Variants in PEX5L observed in about 807,000 individuals in gnomAD.
The protein encoded by PEX5L is PEX5-related protein.
In PEX5L, 30 loss-of-function variants were observed where a neutral mutation model predicts 84.0. That is an observed-to-expected ratio of 0.36 (90% CI 0.27 to 0.48). The LOEUF is 0.48. Ranked by LOEUF, PEX5L falls within the 20% of genes least tolerant of loss-of-function variation. The probability of loss-of-function intolerance (pLI) is 0.99; values close to 1 mark genes in which losing one functional copy is unlikely to be tolerated. For missense variants in PEX5L, 533 were observed against 754.6 expected, an observed-to-expected ratio of 0.71 and a Z score of 3.44; for synonymous variants, 270 against 283.1, an observed-to-expected ratio of 0.95 and a Z score of 0.46.
rs1431315600 is a variant in PEX5L, at chr3:179,797,603, A to ATATAT, written c.*4224_*4225insATATA. On this transcript the variant is annotated 3_prime_UTR_variant, in exon 15 of 15. Coordinates refer to ENST00000467460, the MANE Select transcript of PEX5L (RefSeq NM_016559.3). ...TGAACACTCTTTAAAAAAAAAAAAA[A>ATATAT]AAATATATATATATATATATATATA... The ATATAT allele has an allele frequency of 1.2e-4, 13 of 109,884 alleles. No individual in the cohort carries two copies. Among genetic ancestry groups the ATATAT allele is most frequent in the South Asian group, 5.8e-4 (2 of 3,474 alleles). 6.8% of individuals were successfully genotyped at this position (109,884 alleles called of 1,614,324 possible). A position where few individuals can be genotyped will look rare whatever the true frequency, so the allele number is the denominator to read the frequency against.
chr3:179,988,414 A>ATAAATAAG (rs1161796292), intron 1 of PEX5L, among the ~76,000 whole-genome samples: 3 of 151,418 alleles, frequency 2.0e-5, no homozygotes, highest in Non-Finnish European at 4.4e-5. Context: ...AAATAAATAA[A>ATAAATAAG]TAAATAAAAT....
chr3:179,951,422 G>A (rs1219487142), intron 2 of PEX5L, among the ~76,000 whole-genome samples: 1 of 152,006 alleles, frequency 6.6e-6, no homozygotes, highest in African/African-American at 2.4e-5. Context: ...GGGCAATGAA[G>A]TATAAGCAAA....
chr3:179,889,709 C>T (rs918236885), intron 3 of PEX5L, among the ~76,000 whole-genome samples: 1 of 152,022 alleles, frequency 6.6e-6, no homozygotes, highest in Non-Finnish European at 1.5e-5. Context: ...AGCCCCAGTG[C>T]TTTTTATTTT....
intron 13 of PEX5L, 82 bp from the exon 14 acceptor site, chr3:179,807,913 G>A: frequency 7.7e-7 from 1 of 1,300,878 alleles, no homozygotes; most frequent in Non-Finnish European, 1.1e-6. Flanking sequence ...GCAGAGAAAG[G>A]AAGATGGCTA....
chr3:179,830,210 G>A (rs551769766), intron 8 of PEX5L, among the ~76,000 whole-genome samples: 1 of 151,790 alleles, frequency 6.6e-6, no homozygotes, highest in African/African-American at 2.4e-5. Flanking sequence ...TTTCATTTTG[G>A]CAGAGAAAGT....
chr3:179,835,984 C>T (rs1734800374), intron 8 of PEX5L, among the ~76,000 whole-genome samples: 1 of 151,922 alleles, frequency 6.6e-6, no homozygotes, highest in Admixed American at 6.6e-5. Flanking sequence ...ATAATGTAGG[C>T]AAACCAAGTT....
intron 1 of PEX5L, among the ~76,000 whole-genome samples, chr3:179,991,985 T>C (rs1221115798): frequency 6.6e-6 from 1 of 152,222 alleles, no homozygotes; most frequent in Non-Finnish European, 1.5e-5. Flanking sequence ...AGTAGCATAT[T>C]AGACATTTGT....
At position 179,795,967 on chromosome 3, in the gene PEX5L, AAACTT is replaced by A. The variant is rs772987298; in HGVS notation, c.*5856_*5860del. ...AGGGAACATGAAAGGAAGTTGGTAA[AAACTT>A]AAGTTTGCTGTATTTCCCTTAACTA... is the stretch of plus-strand genomic sequence containing the variant. On this transcript the variant is annotated 3_prime_UTR_variant, in exon 15 of 15. Transcript: ENST00000467460. The A allele has an allele frequency of 6.0e-5, 9 of 150,588 alleles. No homozygotes were observed. In the East Asian group the frequency reaches 1.2e-3, roughly 19 times the overall value. The allele number at this position is 150,588 out of a possible 1,614,324, so 9.3% of individuals were successfully genotyped here.
intron 1 of PEX5L, among the ~76,000 whole-genome samples, chr3:179,981,517 T>C (rs1786328623): frequency 6.6e-6 from 1 of 152,206 alleles, no homozygotes; most frequent in Admixed American, 6.5e-5. Context: ...ACTTTGTGTA[T>C]CATGAGATTA....
intron 8 of PEX5L, among the ~76,000 whole-genome samples, chr3:179,830,296 T>A (rs1413826291): frequency 7.8e-6 from 1 of 128,408 alleles, no homozygotes; most frequent in Admixed American, 7.5e-5. Flanking sequence ...CCCCCCCCCT[T>A]TTTTTTATGA....
rs917787406 is a variant in PEX5L, at chr3:179,953,256, T to C, written c.93+18338A>G. On this transcript the variant is annotated intron_variant, in intron 2 of 14. Coordinates refer to ENST00000467460, the MANE Select transcript of PEX5L (RefSeq NM_016559.3). ...CAAAAGCCACAATTGACAAATGGGA[T>C]CTAATTAAACTAAAGAGCTTCTGCA... Among the ~76,000 whole-genome samples the C allele has an allele frequency of 3.3e-5, 5 of 152,058 alleles. 1 individual carries two copies. The highest frequency in any genetic ancestry group is 2.0e-4 in the Admixed American group (3 of 15,274).
chr3:179,938,681 G>A (rs916989339), intron 2 of PEX5L, among the ~76,000 whole-genome samples: 2 of 152,326 alleles, frequency 1.3e-5, no homozygotes, highest in African/African-American at 4.8e-5. Context: ...ACATAGACAT[G>A]CCTCAAGGAG....
chr3:179,853,469 CTG>C (rs1329362733), intron 8 of PEX5L, among the ~76,000 whole-genome samples: 1 of 152,158 alleles, frequency 6.6e-6, no homozygotes, highest in Non-Finnish European at 1.5e-5. Context: ...GCATAATTCT[CTG>C]TAGAAATCTC....
At chr3:179,967,099 G>C (rs961445959) in intron 2 of PEX5L, among the ~76,000 whole-genome samples, 1 of 152,142 alleles carries the variant, frequency 6.6e-6, no homozygotes, top group Non-Finnish European at 1.5e-5. Context: ...AATAAATGTT[G>C]ACCAATTACG....
intron 2 of PEX5L, among the ~76,000 whole-genome samples, chr3:179,922,451 CTTTTT>C (rs35332742): frequency 7.5e-6 from 1 of 134,052 alleles, no homozygotes; most frequent in Admixed American, 7.5e-5. Flanking sequence ...CTTTTCTTTT[CTTTTT>C]TTTTTTTTTT....
chr3:179,877,898 G>A (rs1383949291), intron 5 of PEX5L, among the ~76,000 whole-genome samples: 1 of 152,158 alleles, frequency 6.6e-6, no homozygotes, highest in African/African-American at 2.4e-5. Flanking sequence ...GGATGGCAGG[G>A]GAGAGGCGTT....
At position 179,799,347 on chromosome 3, in the gene PEX5L, A is replaced by T. The variant is rs2108629032; in HGVS notation, c.*2481T>A. Reference sequence around the variant, plus strand: ...CCTATAAAAATCTTAGATCTGACAGATACTACATACACTAGAGAAAGTACT... The same window carrying T: ...CCTATAAAAATCTTAGATCTGACAGTTACTACATACACTAGAGAAAGTACT... On this transcript the variant is annotated 3_prime_UTR_variant, in exon 15 of 15. Coordinates refer to ENST00000467460, the MANE Select transcript of PEX5L (RefSeq NM_016559.3). 6.6e-6 allele frequency: 1 copy of T among 152,350 alleles called. No individual in the cohort carries two copies. The highest frequency in any genetic ancestry group is 2.4e-5 in the African/African-American group (1 of 41,576). 9.4% of individuals were successfully genotyped at this position (152,350 alleles called of 1,614,324 possible).
chr3:179,888,931 A>AT (rs897295839), intron 3 of PEX5L, among the ~76,000 whole-genome samples: 1 of 151,920 alleles, frequency 6.6e-6, no homozygotes, highest in African/African-American at 2.4e-5. Flanking sequence ...TGGCCGGCTA[A>AT]TTTTTAAAAA....
chr3:180,026,856 T>TA (rs889794354), intron 1 of PEX5L, among the ~76,000 whole-genome samples: 1 of 151,848 alleles, frequency 6.6e-6, no homozygotes, highest in Non-Finnish European at 1.5e-5. Context: ...GACATTCACT[T>TA]AAAAAAAACT....
Sources: gnomAD v4.1 joint callset for allele counts (sites outside exome capture counted in the v4.1 genomes callset) on GRCh38, gnomAD v4.1.1 for gene constraint, MANE v1.5 for transcripts, NCBI Gene and HGNC (gene_info 2026-07-23, HGNC 2026-07-21) for gene names.